Variants in ATXN3 observed in about 807,000 individuals in gnomAD.
ATXN3 encodes ataxin 3, also known as ataxin-3.
In ATXN3, 28 loss-of-function variants were observed where a neutral mutation model predicts 58.2. The ratio of observed to expected loss-of-function variants is 0.48; its 90% CI spans 0.36 to 0.66. The LOEUF (loss-of-function observed/expected upper bound fraction) is 0.66, where lower values mean the gene tolerates loss of function less well. ATXN3 is among the 30% of genes least tolerant of loss of function. ATXN3 has a pLI of 0.00. For synonymous variants in ATXN3, 113 were observed against 138.5 expected (o/e 0.82, Z 1.29); for missense variants, 321 against 422.1 (o/e 0.76, Z 2.10).
chr14:92,082,358 T>A lies in ATXN3; in HGVS notation c.717A>T (p.Glu239Asp). The A allele has an allele frequency of 6.2e-7, 1 of 1,614,182 alleles. No individual in the cohort carries two copies. The highest frequency in any genetic ancestry group is 8.5e-7 in the Non-Finnish European group (1 of 1,180,038). The change falls in exon 8 of 11, where the codon GAA becomes GAT. Residue 239 changes from glutamate (E) to aspartate (D), a missense_variant. Around this residue, in one of 2 missense-constraint regions of ATXN3, gnomAD observed 200 missense variants for 223.2 expected, o/e 0.90. Transcript: ENST00000644486. ...CTGCTTCCTCATCTTCCATGTCAAT[T>A]TCTTGGCGACTTAGTGCCAGAGCCC... ...LQRALALSRQEIDMEDEEADL... is the reference protein window; with the variant it reads ...LQRALALSRQDIDMEDEEADL...
At chr14:92,079,622 C>T (rs2061072418) in intron 9 of ATXN3, among the ~76,000 whole-genome samples, 2 of 152,230 alleles carry the variant, frequency 1.3e-5, no homozygotes, top group African/African-American at 4.8e-5. Context: ...AAACTATGTG[C>T]ATCTCAGAAT....
At chr14:92,096,871 A>C (rs772206876) in intron 1 of ATXN3, 33 bp from the exon 2 acceptor site, 2 of 1,582,150 alleles carry the variant, frequency 1.3e-6, no homozygotes, top group Non-Finnish European at 1.7e-6. Context: ...TTAAAATGTG[A>C]CTTGTTAAAC....
chr14:92,069,360 C>T (rs1049115354), intron 10 of ATXN3, among the ~76,000 whole-genome samples: 6 of 139,532 alleles, frequency 4.3e-5, no homozygotes, highest in Non-Finnish European at 9.1e-5. Context: ...CGTAAGCCAC[C>T]GTGTCCAGCC....
chr14:92,104,431 TAA>T (rs1220011032), intron 1 of ATXN3, among the ~76,000 whole-genome samples: 1 of 152,158 alleles, frequency 6.6e-6, no homozygotes. Context: ...GCACCCAGAC[TAA>T]GAGGGATTTC....
chr14:92,049,907 G>A (rs2057442236), upstream of ATXN3: 1 of 152,250 alleles, frequency 6.6e-6, no homozygotes, highest in African/African-American at 2.4e-5. Context: ...ATCCTTGGCA[G>A]GTTAGAAAAT....
chr14:92,104,403 G>C (rs1367065246), intron 1 of ATXN3, among the ~76,000 whole-genome samples: 3 of 152,146 alleles, frequency 2.0e-5, no homozygotes, highest in African/African-American at 7.2e-5. Context: ...GCCTCCCAAA[G>C]CACTGGTGTG....
chr14:92,093,264 T>C lies in ATXN3; in HGVS notation c.375A>G (p.Lys125=), dbSNP rs2064314020. 1 of 1,494,776 alleles carries C rather than the reference T, an allele frequency of 6.7e-7. No individual in the cohort carries two copies. Among genetic ancestry groups the C allele is most frequent in the Non-Finnish European group, 9.2e-7 (1 of 1,082,754 alleles). 92.6% of individuals were successfully genotyped at this position (1,494,776 alleles called of 1,614,324 possible). A position where few individuals can be genotyped will look rare whatever the true frequency, so the allele number is the denominator to read the frequency against. Residue 125 remains lysine, a synonymous_variant, in exon 5 of 11, where the codon AAA becomes AAG. Coordinates refer to ENST00000644486, the MANE Select transcript of ATXN3 (RefSeq NM_004993.6). ...TAAGAAATGTTACCTGTTTTCCTAA[T>C]TTTCTAACTGTAAACCAGTGTTCCT... ...NYKEHWFTVR[K]LGKQWFNLNS... is the part of the protein sequence containing the mutation.
chr14:92,068,847 C>T (rs1282702926), intron 10 of ATXN3, among the ~76,000 whole-genome samples: 1 of 152,170 alleles, frequency 6.6e-6, no homozygotes, highest in Non-Finnish European at 1.5e-5. Flanking sequence ...GCCTCAGCCT[C>T]CCAAAGTGCT....
chr14:92,098,249 A>G (rs1230441007), intron 1 of ATXN3, among the ~76,000 whole-genome samples: 1 of 152,174 alleles, frequency 6.6e-6, no homozygotes, highest in Non-Finnish European at 1.5e-5. Context: ...AGAACTACAG[A>G]AACATGACAC....
chr14:92,085,717 C>T (rs956807201), intron 6 of ATXN3, among the ~76,000 whole-genome samples: 31 of 152,168 alleles, frequency 2.0e-4, no homozygotes, highest in African/African-American at 3.9e-4. Context: ...CAGTTTGAAA[C>T]ACTTTTTGGA....
rs1332256017 is a variant in ATXN3, at chr14:92,071,069, G to T, written c.873-16C>A. 1 of 1,155,592 alleles carries T rather than the reference G, an allele frequency of 8.7e-7. No individual in the cohort carries two copies. Among genetic ancestry groups the T allele is most frequent in the South Asian group, 1.8e-5 (1 of 56,084 alleles). 71.6% of individuals were successfully genotyped at this position (1,155,592 alleles called of 1,614,324 possible). A position where few individuals can be genotyped will look rare whatever the true frequency, so the allele number is the denominator to read the frequency against. On this transcript the variant is annotated splice_polypyrimidine_tract_variant and intron_variant, in intron 9 of 10. Coordinates refer to ENST00000644486, the MANE Select transcript of ATXN3 (RefSeq NM_004993.6). ...TTGCTGCTGTCTGAAACATTCAAAA[G>T]TGAAGTATATTTAAAAAACAAAACT...
intron 3 of ATXN3, among the ~76,000 whole-genome samples, chr14:92,094,202 A>C (rs1336920939): frequency 6.6e-6 from 1 of 152,078 alleles, no homozygotes; most frequent in Non-Finnish European, 1.5e-5. Flanking sequence ...GGCCTCCCAA[A>C]GTACTGGGAT....
chr14:92,046,590 T>C (rs2140161282), intron 2 of ATXN3, among the ~76,000 whole-genome samples: 1 of 151,486 alleles, frequency 6.6e-6, no homozygotes, highest in African/African-American at 2.4e-5. Flanking sequence ...GGAGAGCTAG[T>C]GTGGGAGCAG....
chr14:92,070,264 G>A (rs1468206236), intron 10 of ATXN3, among the ~76,000 whole-genome samples: 2 of 152,094 alleles, frequency 1.3e-5, no homozygotes, highest in African/African-American at 2.4e-5. Context: ...GGTAAAATGT[G>A]TTTATTTTTC....
At position 92,066,604 on chromosome 14, in the gene ATXN3, T is replaced by G. The variant is rs938134432; in HGVS notation, c.992-2190A>C. 1.6e-3 allele frequency among the ~76,000 whole-genome samples: 117 copies of G among 71,124 alleles called. 3 individuals are homozygous for G. Among genetic ancestry groups the G allele is most frequent in the Non-Finnish European group, 2.7e-3 (99 of 36,936 alleles). The allele number at this position is 71,124 out of a possible 152,430, so 46.7% of individuals were successfully genotyped here. A position where few individuals can be genotyped will look rare whatever the true frequency, so the allele number is the denominator to read the frequency against. Reference sequence around the variant, plus strand: ...CTGGGTTTAGAGTTTTTTTCTTGTTTTTTTTTTTTTTTTTTTTTTTTGAGA... The same window carrying G: ...CTGGGTTTAGAGTTTTTTTCTTGTTGTTTTTTTTTTTTTTTTTTTTTGAGA... On this transcript the variant is annotated intron_variant, in intron 10 of 10. Coordinates refer to ENST00000644486, the MANE Select transcript of ATXN3 (RefSeq NM_004993.6).
chr14:92,070,923 A>T lies in ATXN3; in HGVS notation c.991+12T>A. On this transcript the variant is annotated intron_variant, in intron 10 of 10. Transcript: ENST00000644486. ...AAGGTAGCGAACATGATGAATGGTG[A>T]GCAGGCCTTACCTAGATCACTCCCA... 1 of 1,613,094 alleles carries T rather than the reference A, an allele frequency of 6.2e-7. No homozygotes were observed. Among genetic ancestry groups the T allele is most frequent in the East Asian group, 2.2e-5 (1 of 44,840 alleles).
chr14:92,101,591 C>T lies in ATXN3; in HGVS notation c.25-4753G>A, dbSNP rs144694865. On this transcript the variant is annotated intron_variant, in intron 1 of 10. Coordinates refer to ENST00000644486, the MANE Select transcript of ATXN3 (RefSeq NM_004993.6). ...CTCATGATTTGGCTGGGCATGGTGG[C>T]TCATGGCTGTAATTCCAGCACTTTG... Among the ~76,000 whole-genome samples the T allele has an allele frequency of 3.3e-3, 510 of 152,304 alleles. 1 individual carries two copies. Among genetic ancestry groups the T allele is most frequent in the African/African-American group, 0.012 (489 of 41,566 alleles).
intron 2 of ATXN3, among the ~76,000 whole-genome samples, chr14:92,046,059 C>T (rs920906173): frequency 3.3e-5 from 5 of 152,008 alleles, no homozygotes; most frequent in Admixed American, 6.6e-5. Flanking sequence ...AGGACCTTTG[C>T]GTACTGAGGA....
Position 92,071,029 on chromosome 14 carries a change from C to CTGCTGCTGT in ATXN3, c.896_897insACAGCAGCA (p.Gln303_Gln305dup). ...GGTCCCCCTGCTGCTGCTGCTGCTG[C>CTGCTGCTGT]TGCTGTTGCTGCTTTTGCTGCTGTC... is the stretch of plus-strand genomic sequence containing the variant. On this transcript the variant is annotated inframe_insertion, in exon 10 of 11. Coordinates refer to ENST00000644486, the MANE Select transcript of ATXN3 (RefSeq NM_004993.6). 6.2e-7 allele frequency: 1 copy of CTGCTGCTGT among 1,610,008 alleles called. No homozygotes were observed. Among genetic ancestry groups the CTGCTGCTGT allele is most frequent in the African/African-American group, 1.3e-5 (1 of 74,830 alleles).
Sources: gnomAD v4.1 joint callset for allele counts (sites outside exome capture counted in the v4.1 genomes callset) on GRCh38, gnomAD v4.1.1 for gene constraint, gnomAD v4.1.1 regional missense constraint, MANE v1.5 for transcripts, NCBI Gene and HGNC (gene_info 2026-07-23, HGNC 2026-07-21) for gene names.